The following ADAMTS12 variants were observed in gnomAD, a reference collection of about 807,000 sequenced individuals.
The protein encoded by ADAMTS12 is A disintegrin and metalloproteinase with thrombospondin motifs 12.
A neutral mutation model predicts 167.8 loss-of-function variants in ADAMTS12; 118 were observed. That is an observed-to-expected ratio of 0.70 (90% CI 0.61 to 0.82). The LOEUF (loss-of-function observed/expected upper bound fraction) is 0.82, where lower values mean the gene tolerates loss of function less well. Among genes scored for constraint, ADAMTS12 ranks in the 40% least tolerant of loss-of-function variants. The pLI, the probability that ADAMTS12 is intolerant of heterozygous loss-of-function variation, is 0.00. For missense variants in ADAMTS12, 1,916 were observed against 1,998.8 expected (o/e 0.96, Z 0.79); for synonymous variants, 704 against 716.9 (o/e 0.98, Z 0.29).
chr5:33,627,879 C>T (rs1383291466), intron 13 of ADAMTS12, among the ~76,000 whole-genome samples: 3 of 152,054 alleles, frequency 2.0e-5, no homozygotes, highest in Non-Finnish European at 4.4e-5. Flanking sequence ...AGGAAGCTAA[C>T]TTGGGACAGT....
At chr5:33,832,995 G>A (rs1270132156) in intron 2 of ADAMTS12, among the ~76,000 whole-genome samples, 2 of 152,088 alleles carry the variant, frequency 1.3e-5, no homozygotes, top group East Asian at 3.9e-4. Flanking sequence ...TAGATTCCAG[G>A]GAAGCTTTTG....
chr5:33,616,608 T>C (rs1029519589), intron 14 of ADAMTS12, among the ~76,000 whole-genome samples: 4 of 152,250 alleles, frequency 2.6e-5, no homozygotes, highest in Non-Finnish European at 4.4e-5. Flanking sequence ...CTGGCTATCT[T>C]GAATACAGCC....
chr5:33,841,895 A>G (rs947402296), intron 2 of ADAMTS12, among the ~76,000 whole-genome samples: 2 of 152,214 alleles, frequency 1.3e-5, no homozygotes, highest in Non-Finnish European at 2.9e-5. Context: ...AAAATCTTTC[A>G]GCCAGGGCCA....
chr5:33,528,799 C>A (rs1482498428), intron 23 of ADAMTS12, among the ~76,000 whole-genome samples: 4 of 152,200 alleles, frequency 2.6e-5, no homozygotes, highest in Admixed American at 2.0e-4. Context: ...GTAATCCCAG[C>A]ACTTTGGGAG....
chr5:33,727,536 A>G (rs1458819090), intron 3 of ADAMTS12, among the ~76,000 whole-genome samples: 1 of 152,204 alleles, frequency 6.6e-6, no homozygotes, highest in Non-Finnish European at 1.5e-5. Flanking sequence ...CAAGGGCTTC[A>G]ACTGTTGTAA....
chr5:33,657,687 T>C lies in ADAMTS12; in HGVS notation c.1190+497A>G, dbSNP rs187902552. Reference sequence around the variant, plus strand: ...TTTTCCATTTTTTATTTATTCCATGTCCTCCTTTAATAAACATAAGTAAAA... The same window carrying C: ...TTTTCCATTTTTTATTTATTCCATGCCCTCCTTTAATAAACATAAGTAAAA... On this transcript the variant is annotated intron_variant, in intron 7 of 23. Transcript: ENST00000504830. Among the ~76,000 whole-genome samples the C allele has an allele frequency of 1.5e-4, 23 of 152,304 alleles. No individual in the cohort carries two copies. The East Asian group carries it at 4.4e-3, about 29-fold the overall frequency.
At chr5:33,766,122 C>G (rs1745521247) in intron 2 of ADAMTS12, among the ~76,000 whole-genome samples, 1 of 152,132 alleles carries the variant, frequency 6.6e-6, no homozygotes, top group South Asian at 2.1e-4. Context: ...TAACTGCCCC[C>G]TGTGTTTAGT....
intron 2 of ADAMTS12, among the ~76,000 whole-genome samples, chr5:33,773,214 C>G (rs1379397193): frequency 6.6e-6 from 1 of 152,146 alleles, no homozygotes; most frequent in Non-Finnish European, 1.5e-5. Flanking sequence ...TAGACTCAGA[C>G]AGTAACTCTT....
chr5:33,711,365 G>T (rs1391252284), intron 3 of ADAMTS12, among the ~76,000 whole-genome samples: 1 of 152,110 alleles, frequency 6.6e-6, no homozygotes, highest in East Asian at 1.9e-4. Flanking sequence ...ACAGCTGACT[G>T]GCTGTTTTTA....
At chr5:33,533,964 A>G (rs1744246556) in intron 23 of ADAMTS12, among the ~76,000 whole-genome samples, 1 of 151,920 alleles carries the variant, frequency 6.6e-6, no homozygotes, top group African/African-American at 2.4e-5. Flanking sequence ...GGGCTATCAA[A>G]TTTTTCTTTT....
rs1424115220 is a variant in ADAMTS12, at chr5:33,527,342, A to G, written c.4631T>C (p.Leu1544Pro). The G allele has an allele frequency of 5.0e-6, 8 of 1,614,076 alleles. No individual in the cohort carries two copies. Among genetic ancestry groups the G allele is most frequent in the Admixed American group, 1.7e-5 (1 of 59,998 alleles). The change falls in exon 24 of 24, where the codon CTG becomes CCG. Residue 1544 changes from leucine (L) to proline (P), a missense_variant. By Grantham distance (98) the Leu-to-Pro change is moderately conservative. Coordinates refer to ENST00000504830, the MANE Select transcript of ADAMTS12 (RefSeq NM_030955.4). ...SADLLCTKDKLSASFCQTLKA... is the reference protein window; with the variant it reads ...SADLLCTKDKPSASFCQTLKA... ...CAGTGTCTGGCAGAAACTGGCTGAC[A>G]GTTTGTCCTTAGTGCAAAGTAAATC... is the stretch of plus-strand genomic sequence containing the variant.
At chr5:33,835,519 T>C (rs555521683) in intron 2 of ADAMTS12, among the ~76,000 whole-genome samples, 1 of 152,362 alleles carries the variant, frequency 6.6e-6, no homozygotes, top group East Asian at 1.9e-4. Flanking sequence ...AAAGTGCCTA[T>C]AGATTCAGTA....
intron 19 of ADAMTS12, among the ~76,000 whole-genome samples, chr5:33,565,514 T>C (rs1418013092): frequency 6.6e-6 from 1 of 152,178 alleles, no homozygotes; most frequent in East Asian, 1.9e-4. Flanking sequence ...CACCAGGCCC[T>C]GTCATGAGGG....
intron 20 of ADAMTS12, among the ~76,000 whole-genome samples, chr5:33,550,489 C>A (rs562022877): frequency 2.3e-4 from 35 of 152,256 alleles, no homozygotes; most frequent in Admixed American, 3.3e-4. Context: ...CATCTGTGCT[C>A]GTCAGCCCAG....
chr5:33,641,979 T>C (rs778596673), intron 10 of ADAMTS12, 24 bp from the exon 11 acceptor site: 1 of 1,590,578 alleles, frequency 6.3e-7, no homozygotes, highest in Non-Finnish European at 8.6e-7. Flanking sequence ...AGGCAGGAGA[T>C]GGCCGTATCA....
At chr5:33,626,414 T>G (rs1739608728) in intron 13 of ADAMTS12, among the ~76,000 whole-genome samples, 1 of 141,456 alleles carries the variant, frequency 7.1e-6, no homozygotes, top group African/African-American at 2.7e-5. Flanking sequence ...GGGGTGATGG[T>G]GATAGTGGTG....
chr5:33,874,885 T>C (rs1287981850), intron 2 of ADAMTS12, among the ~76,000 whole-genome samples: 2 of 152,084 alleles, frequency 1.3e-5, no homozygotes, highest in Non-Finnish European at 2.9e-5. Context: ...CTGGCCAACA[T>C]GGTGAAACCT....
chr5:33,622,856 A>C (rs1739401513), intron 14 of ADAMTS12, among the ~76,000 whole-genome samples: 1 of 152,202 alleles, frequency 6.6e-6, no homozygotes, highest in African/African-American at 2.4e-5. Context: ...TCACATTCCA[A>C]ATAAGTAATT....
chr5:33,885,312 T>C (rs1449641680), intron 1 of ADAMTS12, among the ~76,000 whole-genome samples: 1 of 152,174 alleles, frequency 6.6e-6, no homozygotes, highest in East Asian at 1.9e-4. Context: ...ACAAAGCCTT[T>C]GAAATAATGG....
Sources: allele counts gnomAD v4.1 joint callset (sites outside exome capture counted in the v4.1 genomes callset), GRCh38; gene constraint gnomAD v4.1.1; transcripts MANE v1.5; gene names NCBI Gene and HGNC (gene_info 2026-07-23, HGNC 2026-07-21).